LNX1: variants seen among roughly 807,000 people sequenced by gnomAD.
LNX1 encodes the protein E3 ubiquitin-protein ligase LNX.
In LNX1, 54 loss-of-function variants were observed where a neutral mutation model predicts 68.4. The observed-to-expected ratio is 0.79, with a 90% CI of 0.63 to 0.99. LNX1 has a LOEUF of 0.99. Among genes scored for constraint, LNX1 ranks in the 50% least tolerant of loss-of-function variants. LNX1 has a pLI of 0.00. For synonymous variants in LNX1, 336 were observed against 350.0 expected, an observed-to-expected ratio of 0.96 and a Z score of 0.45; for missense variants, 906 against 926.4, an observed-to-expected ratio of 0.98 and a Z score of 0.29.
At chr4:53,565,868 C>T (rs1386828007) in intron 2 of LNX1, among the ~76,000 whole-genome samples, 47 of 151,902 alleles carry the variant, frequency 3.1e-4, no homozygotes, top group African/African-American at 9.7e-4. Flanking sequence ...CCTCAGGAGC[C>T]GACGTGATCA....
intron 1 of LNX1, among the ~76,000 whole-genome samples, chr4:53,633,359 C>G (rs1414363392): frequency 1.3e-5 from 2 of 152,194 alleles, no homozygotes; most frequent in African/African-American, 4.8e-5. Flanking sequence ...AGTCTCTATT[C>G]TCTTTCTCTT....
At chr4:53,552,897 G>A (rs901259116) in intron 2 of LNX1, among the ~76,000 whole-genome samples, 3 of 151,322 alleles carry the variant, frequency 2.0e-5, no homozygotes, top group Admixed American at 6.6e-5. Context: ...TGACTGACCA[G>A]CACAATGACA....
chr4:53,489,391 G>A (rs1724535185), intron 6 of LNX1, among the ~76,000 whole-genome samples: 1 of 152,050 alleles, frequency 6.6e-6, no homozygotes, highest in Non-Finnish European at 1.5e-5. Context: ...TAATACAGAT[G>A]GTGACTTATA....
At chr4:53,486,897 A>T (rs1392012388) in intron 6 of LNX1, among the ~76,000 whole-genome samples, 2 of 151,852 alleles carry the variant, frequency 1.3e-5, no homozygotes, top group Admixed American at 1.3e-4. Context: ...CCATACAGTG[A>T]CTAAGAGAAG....
At chr4:53,512,979 C>A (rs1479816592) in intron 2 of LNX1, among the ~76,000 whole-genome samples, 1 of 152,120 alleles carries the variant, frequency 6.6e-6, no homozygotes, top group African/African-American at 2.4e-5. Context: ...ATCTCCACGG[C>A]CAAACCCTGG....
At chr4:53,519,731 C>A (rs139501766) in intron 2 of LNX1, among the ~76,000 whole-genome samples, 1,840 of 152,226 alleles carry the variant, frequency 0.012, 37 homozygotes, top group African/African-American at 0.041. Context: ...TCTGAGCACT[C>A]TACCCTTTAT....
chr4:53,617,963 A>G (rs1429955392), upstream of LNX1, among the ~76,000 whole-genome samples: 1 of 151,940 alleles, frequency 6.6e-6, no homozygotes, highest in Admixed American at 6.6e-5. Flanking sequence ...ATTAACAATT[A>G]TTTTCTCTAG....
intron 2 of LNX1, among the ~76,000 whole-genome samples, chr4:53,541,266 C>T (rs2109660186): frequency 6.6e-6 from 1 of 152,170 alleles, no homozygotes; most frequent in Admixed American, 6.5e-5. Flanking sequence ...CCATTAGCAA[C>T]TGAATCAACT....
chr4:53,461,877 A>G (rs571434000), intron 9 of LNX1, among the ~76,000 whole-genome samples: 4 of 152,256 alleles, frequency 2.6e-5, no homozygotes, highest in Non-Finnish European at 5.9e-5. Context: ...TTTTAACTTA[A>G]GACAATGCTT....
chr4:53,481,838 A>G lies in LNX1; in HGVS notation c.1367T>C (p.Val456Ala). Residue 456 changes from valine (V) to alanine (A), a missense_variant, in exon 7 of 11, where the codon GTT becomes GCT. By Grantham distance (64) the Val-to-Ala change is moderately conservative. Transcript: ENST00000263925. ...AHLIQASERRVHLVVSRQVRQ... is the reference protein window; with the variant it reads ...AHLIQASERRAHLVVSRQVRQ... ...AACCTGGCGGGACACGACGAGGTGA[A>G]CACGTCTTTCACTGGCCTGGGCAAG... The G allele has an allele frequency of 6.2e-7, 1 of 1,607,246 alleles. No individual in the cohort carries two copies. The highest frequency in any genetic ancestry group is 1.1e-5 in the South Asian group (1 of 90,334).
chr4:53,564,453 G>A (rs752896894), intron 2 of LNX1, among the ~76,000 whole-genome samples: 6 of 152,150 alleles, frequency 3.9e-5, no homozygotes, highest in Non-Finnish European at 5.9e-5. Flanking sequence ...AGGAGTGGCT[G>A]GGTTTTCACT....
chr4:53,491,159 T>C (rs149401022), intron 6 of LNX1, among the ~76,000 whole-genome samples: 1 of 152,278 alleles, frequency 6.6e-6, no homozygotes, highest in African/African-American at 2.4e-5. Context: ...CGAAGTATAG[T>C]TGGCAAACAT....
chr4:53,561,305 G>A (rs2109738541), intron 2 of LNX1, among the ~76,000 whole-genome samples: 1 of 152,106 alleles, frequency 6.6e-6, no homozygotes, highest in Non-Finnish European at 1.5e-5. Context: ...TTGACTCATT[G>A]CAACCTCCGC....
At position 53,626,047 on chromosome 4, in the gene LNX1, T is replaced by C. The variant is rs541952831; in HGVS notation, c.-215+26121A>G. Among the ~76,000 whole-genome samples, 11 of 152,288 alleles carry C rather than the reference T, an allele frequency of 7.2e-5. No individual in the cohort carries two copies. The South Asian group carries it at 2.1e-3, about 29-fold the overall frequency. On this transcript the variant is annotated intron_variant, in intron 1 of 2. Transcript: ENST00000507168. Reference sequence around the variant, plus strand: ...GTTGAATATTCATGTAACAGAATGTTATTCACCAATAAAAAGGAATGAATA... The same window carrying C: ...GTTGAATATTCATGTAACAGAATGTCATTCACCAATAAAAAGGAATGAATA...
chr4:53,543,637 C>T (rs1728903973), intron 2 of LNX1, among the ~76,000 whole-genome samples: 3 of 151,892 alleles, frequency 2.0e-5, no homozygotes, highest in Non-Finnish European at 4.4e-5. Flanking sequence ...TTTCACTGGA[C>T]AAGGAAAATC....
At position 53,461,498 on chromosome 4, in the gene LNX1, T is replaced by C. The variant is rs369294756; in HGVS notation, c.1988A>G (p.Asn663Ser). The C allele has an allele frequency of 1.9e-6, 3 of 1,612,506 alleles. No individual in the cohort carries two copies. Among genetic ancestry groups the C allele is most frequent in the Non-Finnish European group, 2.5e-6 (3 of 1,179,044 alleles). ...IVGGYEEYNG[N>S]KPFFIKSIVE... ...AATGGATTTGATGAAAAAAGGTTTG[T>C]TTCCATTGTATTCTTCATAACCTCC... The change falls in exon 10 of 11, where the codon AAC (asparagine) becomes AGC (serine). Residue 663 changes from asparagine to serine, a missense_variant. Asn to Ser is a conservative substitution (Grantham distance 46). Coordinates refer to ENST00000263925, the MANE Select transcript of LNX1 (RefSeq NM_001126328.3).
rs56165716 is a variant in LNX1 at position 53,501,299 on chromosome 4, T to TTTTGG, written c.776-2457_776-2456insCCAAA. Among the ~76,000 whole-genome samples, 17 of 38,782 alleles carry TTTTGG rather than the reference T, an allele frequency of 4.4e-4. 1 individual carries two copies. Among genetic ancestry groups the TTTTGG allele is most frequent in the African/African-American group, 8.7e-4 (14 of 16,068 alleles). 25.4% of individuals were successfully genotyped at this position (38,782 alleles called of 152,430 possible). A position where few individuals can be genotyped will look rare whatever the true frequency, so the allele number is the denominator to read the frequency against. On this transcript the variant is annotated intron_variant, in intron 4 of 10. Transcript: ENST00000263925. ...TAATAATCTTTTTTTTTTTTTTTTTTGGGGGTGGGGGGACAGGATCTCACT... is the reference window on the plus strand; with the variant it reads ...TAATAATCTTTTTTTTTTTTTTTTTTTTTGGGGGGGTGGGGGGACAGGATCTCACT...
intron 2 of LNX1, among the ~76,000 whole-genome samples, chr4:53,555,751 A>T (rs1427506739): frequency 6.6e-6 from 1 of 152,110 alleles, no homozygotes; most frequent in East Asian, 1.9e-4. Context: ...AAGTCAGATA[A>T]ATGTGGAAAC....
chr4:53,552,911 C>T (rs1439482673), intron 2 of LNX1, among the ~76,000 whole-genome samples: 1 of 151,812 alleles, frequency 6.6e-6, no homozygotes, highest in African/African-American at 2.4e-5. Context: ...AATGACAATC[C>T]CAGTTATTCA....
Sources: gnomAD v4.1 joint callset for allele counts (sites outside exome capture counted in the v4.1 genomes callset) on GRCh38, gnomAD v4.1.1 for gene constraint, MANE v1.5 for transcripts, NCBI Gene and HGNC (gene_info 2026-07-23, HGNC 2026-07-21) for gene names.